Variants in VTI1A observed in about 807,000 individuals in gnomAD.
VTI1A encodes vesicle transport through interaction with t-SNAREs homolog 1A.
In VTI1A, 22 loss-of-function variants were observed where a neutral mutation model predicts 34.9. The observed-to-expected ratio is 0.63, with a 90% CI of 0.45 to 0.90. VTI1A has a LOEUF of 0.90. VTI1A is among the 40% of genes least tolerant of loss of function. VTI1A has a pLI of 0.00. For missense variants in VTI1A, 268 were observed against 275.6 expected, an observed-to-expected ratio of 0.97 and a Z score of 0.20; for synonymous variants, 87 against 97.3, an observed-to-expected ratio of 0.89 and a Z score of 0.62.
intron 3 of VTI1A, among the ~76,000 whole-genome samples, chr10:112,508,757 T>C (rs1247748846): frequency 6.6e-6 from 1 of 152,234 alleles, no homozygotes; most frequent in East Asian, 1.9e-4. Flanking sequence ...GAAGTTTTTA[T>C]GTTTTTTACT....
chr10:112,692,101 G>A (rs373687085), intron 7 of VTI1A, among the ~76,000 whole-genome samples: 64 of 152,268 alleles, frequency 4.2e-4, no homozygotes, highest in African/African-American at 1.4e-3. Context: ...TCTTTTAAAT[G>A]TTACTAAACA....
chr10:112,585,611 G>A (rs1844118108), intron 5 of VTI1A, among the ~76,000 whole-genome samples: 2 of 146,778 alleles, frequency 1.4e-5, no homozygotes, highest in African/African-American at 5.0e-5. Flanking sequence ...AGATATGGGA[G>A]TTTATTTCTG....
At chr10:112,729,451 A>G (rs1850168545) in intron 7 of VTI1A, among the ~76,000 whole-genome samples, 1 of 152,212 alleles carries the variant, frequency 6.6e-6, no homozygotes, top group Admixed American at 6.5e-5. Context: ...GCTAAGCAAC[A>G]TGCTTATTTT....
At chr10:112,852,637 G>A in the VTI1A span, among the ~76,000 whole-genome samples, 1 of 152,206 alleles carries the variant, frequency 6.6e-6, no homozygotes, top group Non-Finnish European at 1.5e-5. Flanking sequence ...ACCAATGGAT[G>A]TCTATGGTGC....
chr10:112,716,665 A>C (rs1849623278), intron 7 of VTI1A, among the ~76,000 whole-genome samples: 1 of 152,148 alleles, frequency 6.6e-6, no homozygotes, highest in Non-Finnish European at 1.5e-5. Flanking sequence ...AAAATGCCCC[A>C]AAATCCAAGT....
chr10:112,820,058 G>A (rs147097028), downstream of VTI1A, among the ~76,000 whole-genome samples: 1 of 152,218 alleles, frequency 6.6e-6, no homozygotes, highest in Non-Finnish European at 1.5e-5. Context: ...CCACGGCGTG[G>A]GAGGTACCTG....
At chr10:112,620,502 T>C (rs1589983076) in intron 5 of VTI1A, among the ~76,000 whole-genome samples, 1 of 152,168 alleles carries the variant, frequency 6.6e-6, no homozygotes, top group South Asian at 2.1e-4. Flanking sequence ...ACTAGAAATT[T>C]TGAACTGGCT....
chr10:112,561,256 T>G (rs1335719087), intron 5 of VTI1A, among the ~76,000 whole-genome samples: 1 of 152,148 alleles, frequency 6.6e-6, no homozygotes, highest in African/African-American at 2.4e-5. Context: ...CATGCTTTAG[T>G]TATTGAGCTT....
intron 3 of VTI1A, among the ~76,000 whole-genome samples, chr10:112,504,533 A>T (rs559270593): frequency 1.3e-5 from 2 of 152,190 alleles, no homozygotes; most frequent in East Asian, 3.9e-4. Flanking sequence ...GTCCCATTGT[A>T]TGGATGTACC....
At chr10:112,750,852 T>A (rs2133991591) in intron 7 of VTI1A, among the ~76,000 whole-genome samples, 1 of 152,334 alleles carries the variant, frequency 6.6e-6, no homozygotes, top group African/African-American at 2.4e-5. Flanking sequence ...TGCAATAGAA[T>A]AAAAAGCAAA....
At chr10:112,625,497 G>C (rs890744842) in intron 5 of VTI1A, among the ~76,000 whole-genome samples, 1 of 151,942 alleles carries the variant, frequency 6.6e-6, no homozygotes, top group African/African-American at 2.4e-5. Flanking sequence ...AAAATTAGCC[G>C]GGCATGGCGG....
intron 7 of VTI1A, among the ~76,000 whole-genome samples, chr10:112,741,892 G>C (rs1043633419): frequency 2.6e-5 from 4 of 152,192 alleles, no homozygotes; most frequent in African/African-American, 9.6e-5. Flanking sequence ...TTGGCACCCA[G>C]CCATCAAATA....
chr10:112,648,293 A>G lies in VTI1A; in HGVS notation c.428-19925A>G, dbSNP rs554365585. Among the ~76,000 whole-genome samples the G allele has an allele frequency of 4.8e-3, 733 of 152,282 alleles. 4 individuals are homozygous for G. The highest frequency in any genetic ancestry group is 8.7e-3 in the Non-Finnish European group (593 of 68,016). On this transcript the variant is annotated intron_variant, in intron 5 of 7. Coordinates refer to ENST00000393077, the MANE Select transcript of VTI1A (RefSeq NM_145206.4). ...CTCTTGCTGTCACTAAGGAAAGTTA[A>G]TGGTTTGTGCTGAAGTTTACCTCCA...
At chr10:112,622,398 A>C (rs1463063642) in intron 5 of VTI1A, among the ~76,000 whole-genome samples, 1 of 151,992 alleles carries the variant, frequency 6.6e-6, no homozygotes, top group Non-Finnish European at 1.5e-5. Context: ...ATTTTAATGC[A>C]GACCAAGAGT....
intron 3 of VTI1A, among the ~76,000 whole-genome samples, chr10:112,472,624 C>A (rs1170113367): frequency 6.6e-6 from 1 of 151,006 alleles, no homozygotes; most frequent in Non-Finnish European, 1.5e-5. Context: ...AGGTCAAGAA[C>A]GTATGCTTCT....
intron 3 of VTI1A, among the ~76,000 whole-genome samples, chr10:112,505,441 A>G (rs547027305): frequency 7.2e-5 from 11 of 152,154 alleles, no homozygotes; most frequent in African/African-American, 2.4e-4. Context: ...TGATGGTTTT[A>G]CCTCTTCCCT....
chr10:112,698,554 A>G (rs1354543556), intron 7 of VTI1A, among the ~76,000 whole-genome samples: 1 of 152,234 alleles, frequency 6.6e-6, no homozygotes, highest in Non-Finnish European at 1.5e-5. Context: ...TTGCTTAGCA[A>G]CACTGGATTA....
At chr10:112,522,491 G>T (rs1418941704) in intron 3 of VTI1A, among the ~76,000 whole-genome samples, 1 of 152,082 alleles carries the variant, frequency 6.6e-6, no homozygotes, top group African/African-American at 2.4e-5. Context: ...GAATGTTGCG[G>T]ATTGCTGATT....
chr10:112,542,057 T>C (rs1414175883), intron 5 of VTI1A, among the ~76,000 whole-genome samples: 2 of 152,346 alleles, frequency 1.3e-5, no homozygotes, highest in African/African-American at 4.8e-5. Flanking sequence ...ATATCCATTT[T>C]GTTTGAGGTC....
Sources: allele counts gnomAD v4.1 joint callset (sites outside exome capture counted in the v4.1 genomes callset), GRCh38; gene constraint gnomAD v4.1.1; transcripts MANE v1.5; gene names NCBI Gene and HGNC (gene_info 2026-07-23, HGNC 2026-07-21).